NUDT3: variants seen among roughly 807,000 people sequenced by gnomAD.
NUDT3 encodes nudix hydrolase 3, also known as diphosphoinositol polyphosphate phosphohydrolase 1.
NUDT3 carries 9 observed loss-of-function variants against 23.6 expected under a neutral mutation model. That is an observed-to-expected ratio of 0.38 (90% CI 0.23 to 0.66). The LOEUF (loss-of-function observed/expected upper bound fraction) is 0.66. NUDT3 is among the 30% of genes least tolerant of loss of function. The pLI, the probability that NUDT3 is intolerant of heterozygous loss-of-function variation, is 0.52. For synonymous variants in NUDT3, 86 were observed against 82.6 expected, an observed-to-expected ratio of 1.04 and a Z score of -0.22; for missense variants, 172 against 218.5, an observed-to-expected ratio of 0.79 and a Z score of 1.34.
intron 1 of NUDT3, among the ~76,000 whole-genome samples, chr6:34,362,452 A>G (rs1764665010): frequency 6.6e-6 from 1 of 152,198 alleles, no homozygotes; most frequent in Non-Finnish European, 1.5e-5. Context: ...CTGGGATTAC[A>G]GGTATGAGCT....
At chr6:34,297,057 A>C (rs1763511233) in intron 2 of NUDT3, among the ~76,000 whole-genome samples, 1 of 150,560 alleles carries the variant, frequency 6.6e-6, no homozygotes, top group Admixed American at 6.6e-5. Context: ...TCAGCCTCCC[A>C]AGTAGCTGGG....
At chr6:34,327,360 C>A (rs1425197984) in intron 2 of NUDT3, among the ~76,000 whole-genome samples, 1 of 151,774 alleles carries the variant, frequency 6.6e-6, no homozygotes, top group African/African-American at 2.4e-5. Flanking sequence ...GAAACCCTGT[C>A]TCTACTAAAA....
rs574957597 is a variant in NUDT3, at chr6:34,385,321, C to G, written c.99+6943G>C. ...TAAAAAATATGGCCAGGCACAGTGG[C>G]TCATGCCTATAATCCCAGCACTTTG... On this transcript the variant is annotated intron_variant, in intron 1 of 4. Coordinates refer to ENST00000607016, the MANE Select transcript of NUDT3 (RefSeq NM_006703.4). Among the ~76,000 whole-genome samples the G allele has an allele frequency of 1.1e-4, 17 of 152,234 alleles. No individual in the cohort carries two copies. In the South Asian group the frequency reaches 3.5e-3, roughly 32 times the overall value.
chr6:34,362,997 T>C (rs535741722), intron 1 of NUDT3, among the ~76,000 whole-genome samples: 1 of 152,146 alleles, frequency 6.6e-6, no homozygotes, highest in Non-Finnish European at 1.5e-5. Flanking sequence ...AGAATTTGCA[T>C]CCGAATAAAG....
intron 1 of NUDT3, among the ~76,000 whole-genome samples, chr6:34,360,966 T>C (rs1764642190): frequency 6.6e-6 from 1 of 152,208 alleles, no homozygotes; most frequent in South Asian, 2.1e-4. Context: ...CTCATACTTA[T>C]AATCCTAGCA....
intron 1 of NUDT3, among the ~76,000 whole-genome samples, chr6:34,345,436 G>C (rs1764352180): frequency 6.6e-6 from 1 of 151,380 alleles, no homozygotes; most frequent in South Asian, 2.1e-4. Flanking sequence ...GGTCGAGGCG[G>C]GCAGATCACA....
intron 1 of NUDT3, among the ~76,000 whole-genome samples, chr6:34,366,045 A>AAT (rs1554157749): frequency 6.6e-6 from 1 of 151,610 alleles, no homozygotes; most frequent in Non-Finnish European, 1.5e-5. Context: ...TGTCTCAAAA[A>AAT]ATATATATAA....
intron 1 of NUDT3, among the ~76,000 whole-genome samples, chr6:34,357,831 T>C (rs1371613219): frequency 6.6e-6 from 1 of 152,180 alleles, no homozygotes; most frequent in Non-Finnish European, 1.5e-5. Flanking sequence ...TTCAAATCTT[T>C]TCTTCTATAA....
intron 4 of NUDT3, among the ~76,000 whole-genome samples, chr6:34,292,737 A>T (rs1248836941): frequency 6.6e-6 from 1 of 152,208 alleles, no homozygotes; most frequent in Non-Finnish European, 1.5e-5. Flanking sequence ...CAGTTTTCTC[A>T]ACAATATAAA....
rs141917861 is a variant in NUDT3 at position 34,388,811 on chromosome 6, T to G, written c.99+3453A>C. On this transcript the variant is annotated intron_variant, in intron 1 of 4. Transcript: ENST00000607016. ...GAACTGAACAAATCTAAAATGGACG[T>G]ATTTCACTCATTTTATTTTTCTTCC... Among the ~76,000 whole-genome samples, 19 of 152,040 alleles carry G rather than the reference T, an allele frequency of 1.2e-4. No individual in the cohort carries two copies. The East Asian group carries it at 3.7e-3, about 29-fold the overall frequency.
At chr6:34,332,411 G>T (rs984544493) in intron 2 of NUDT3, among the ~76,000 whole-genome samples, 4 of 152,126 alleles carry the variant, frequency 2.6e-5, no homozygotes, top group Non-Finnish European at 5.9e-5. Flanking sequence ...AGGAGGAAGA[G>T]GAGGGGTTGG....
chr6:34,367,374 T>C (rs1764753458), intron 1 of NUDT3, among the ~76,000 whole-genome samples: 1 of 151,190 alleles, frequency 6.6e-6, no homozygotes, highest in African/African-American at 2.4e-5. Flanking sequence ...CCCAGCTACT[T>C]GGGAGGCTGA....
At chr6:34,390,319 C>T (rs1016682532) in intron 1 of NUDT3, among the ~76,000 whole-genome samples, 1 of 151,138 alleles carries the variant, frequency 6.6e-6, no homozygotes, top group African/African-American at 2.4e-5. Context: ...AAAAAGTAAG[C>T]TCCTAGAAGG....
chr6:34,338,253 T>C (rs1290126758), intron 2 of NUDT3, among the ~76,000 whole-genome samples: 1 of 152,150 alleles, frequency 6.6e-6, no homozygotes, highest in Non-Finnish European at 1.5e-5. Flanking sequence ...GGGGATAACA[T>C]ATATAAGACC....
chr6:34,349,309 T>G (rs1052431226), intron 1 of NUDT3, among the ~76,000 whole-genome samples: 3 of 149,888 alleles, frequency 2.0e-5, no homozygotes, highest in Non-Finnish European at 4.4e-5. Context: ...GGTTTCCAGA[T>G]ACATAGAAAG....
At chr6:34,313,041 A>C (rs898561864) in intron 2 of NUDT3, among the ~76,000 whole-genome samples, 1 of 151,964 alleles carries the variant, frequency 6.6e-6, no homozygotes, top group Non-Finnish European at 1.5e-5. Context: ...GTGGCGCACG[A>C]CTACAGGCCT....
At chr6:34,391,939 G>A (rs1436549335) in intron 1 of NUDT3, among the ~76,000 whole-genome samples, 1 of 152,070 alleles carries the variant, frequency 6.6e-6, no homozygotes, top group Admixed American at 6.5e-5. Context: ...GGCCTGGACC[G>A]AAAGCCGCAC....
intron 2 of NUDT3, among the ~76,000 whole-genome samples, chr6:34,327,357 T>C (rs191747463): frequency 1.3e-5 from 2 of 151,732 alleles, no homozygotes; most frequent in Non-Finnish European, 2.9e-5. Flanking sequence ...GGTGAAACCC[T>C]GTCTCTACTA....
intron 1 of NUDT3, among the ~76,000 whole-genome samples, chr6:34,353,457 T>G (rs79713054): frequency 6.9e-6 from 1 of 144,762 alleles, no homozygotes; most frequent in Admixed American, 7.0e-5. Flanking sequence ...TTTTTTTTTT[T>G]GAGACAAGAG....
Sources: allele counts gnomAD v4.1 joint callset (sites outside exome capture counted in the v4.1 genomes callset), GRCh38; gene constraint gnomAD v4.1.1; transcripts MANE v1.5; gene names NCBI Gene and HGNC (gene_info 2026-07-23, HGNC 2026-07-21).